QRICH1: variants seen among roughly 807,000 people sequenced by gnomAD.
The protein encoded by QRICH1 is glutamine rich 1, also known as transcriptional regulator QRICH1.
Under a neutral mutation model 87.1 loss-of-function variants are expected in QRICH1, and 16 were observed. The observed-to-expected ratio is 0.18, with a 90% CI of 0.12 to 0.28. QRICH1 has a LOEUF of 0.28. Ranked by LOEUF, QRICH1 falls within the 10% of genes least tolerant of loss-of-function variation. The pLI is 1.00. For missense variants in QRICH1, 647 were observed against 951.7 expected (o/e 0.68, Z 4.21); for synonymous variants, 367 against 368.4 (o/e 1.00, Z 0.05).
At chr3:49,051,594 C>CCT (rs1553742544) in intron 3 of QRICH1, among the ~76,000 whole-genome samples, 75 of 140,364 alleles carry the variant, frequency 5.3e-4, no homozygotes, top group African/African-American at 1.9e-3. Flanking sequence ...GCCCCCCCCC[C>CCT]CCTCCGCTTA....
chr3:49,045,544 C>T (rs2093334298), intron 5 of QRICH1, among the ~76,000 whole-genome samples: 1 of 152,126 alleles, frequency 6.6e-6, no homozygotes, highest in Non-Finnish European at 1.5e-5. Flanking sequence ...GATCCTCCTG[C>T]CTCAGCCTCC....
intron 1 of QRICH1, among the ~76,000 whole-genome samples, chr3:49,082,811 C>T (rs533450933): frequency 4.7e-4 from 70 of 149,448 alleles, no homozygotes; most frequent in African/African-American, 1.5e-3. Flanking sequence ...AGGAGACTGG[C>T]GTAAACCTGG....
At chr3:49,054,373 A>C (rs2093388769) in intron 3 of QRICH1, among the ~76,000 whole-genome samples, 2 of 152,136 alleles carry the variant, frequency 1.3e-5, no homozygotes, top group Non-Finnish European at 2.9e-5. Context: ...AATTCTACAC[A>C]CATCTACTTG....
At chr3:49,050,669 C>T (rs1443638475) in intron 3 of QRICH1, among the ~76,000 whole-genome samples, 2 of 147,902 alleles carry the variant, frequency 1.4e-5, no homozygotes, top group Non-Finnish European at 3.0e-5. Context: ...TCCTTAACTG[C>T]ACTGACTAAT....
chr3:49,070,830 T>C (rs570552470), intron 2 of QRICH1, among the ~76,000 whole-genome samples: 2 of 152,312 alleles, frequency 1.3e-5, no homozygotes, highest in African/African-American at 2.4e-5. Flanking sequence ...ATCTCATGGA[T>C]GTCATTATAT....
chr3:49,067,145 A>C (rs1378764028), intron 2 of QRICH1, among the ~76,000 whole-genome samples: 1 of 152,170 alleles, frequency 6.6e-6, no homozygotes, highest in African/African-American at 2.4e-5. Context: ...GGGAGTTAGA[A>C]CCTCCCAATC....
chr3:49,034,726 A>G (rs915410459), intron 6 of QRICH1, among the ~76,000 whole-genome samples: 3 of 152,348 alleles, frequency 2.0e-5, no homozygotes, highest in African/African-American at 7.2e-5. Flanking sequence ...AATAATTTGA[A>G]TAAGAGCCCT....
intron 1 of QRICH1, among the ~76,000 whole-genome samples, chr3:49,093,068 T>C (rs188259071): frequency 9.7e-4 from 148 of 152,304 alleles, no homozygotes; most frequent in Non-Finnish European, 1.7e-3. Context: ...ATTACGCTTA[T>C]GGACGTATTA....
intron 1 of QRICH1, among the ~76,000 whole-genome samples, chr3:49,087,444 C>G (rs1171550651): frequency 6.6e-6 from 1 of 151,548 alleles, no homozygotes; most frequent in African/African-American, 2.4e-5. Context: ...ACTAGGGAAG[C>G]TGAGGCAGGA....
chr3:49,076,144 G>A (rs1041763935), intron 2 of QRICH1, among the ~76,000 whole-genome samples: 3 of 152,132 alleles, frequency 2.0e-5, no homozygotes, highest in African/African-American at 7.2e-5. Context: ...TCAGGAGGCT[G>A]GGGCAGGAGA....
chr3:49,058,650 C>A (rs1363167027), intron 2 of QRICH1, among the ~76,000 whole-genome samples: 1 of 150,544 alleles, frequency 6.6e-6, no homozygotes, highest in Admixed American at 6.6e-5. Flanking sequence ...TTCTTTGAGG[C>A]GGAGTTTTGC....
intron 3 of QRICH1, among the ~76,000 whole-genome samples, chr3:49,054,450 T>C (rs566490094): frequency 9.2e-5 from 14 of 152,240 alleles, no homozygotes; most frequent in Admixed American, 2.6e-4. Flanking sequence ...CAAACTCAGT[T>C]CTACTTTGGG....
chr3:49,086,133 T>TAA (rs879623493), intron 1 of QRICH1, among the ~76,000 whole-genome samples: 11 of 143,696 alleles, frequency 7.7e-5, no homozygotes, highest in East Asian at 4.0e-4. Context: ...AGCTGCATTG[T>TAA]AAAAAAAAAA....
At chr3:49,072,238 A>G (rs930588715) in intron 2 of QRICH1, among the ~76,000 whole-genome samples, 5 of 152,134 alleles carry the variant, frequency 3.3e-5, no homozygotes, top group African/African-American at 1.2e-4. Flanking sequence ...AGCCAAAATA[A>G]TGCCACTGCA....
intron 3 of QRICH1, among the ~76,000 whole-genome samples, chr3:49,048,279 T>C (rs1575336745): frequency 6.6e-6 from 1 of 151,604 alleles, no homozygotes; most frequent in East Asian, 2.0e-4. Context: ...ATTACAGGCA[T>C]GTGCCACCAC....
rs1193144691 is a variant in QRICH1 at position 49,055,919 on chromosome 3, C to T, written c.1338+943G>A. 3.3e-5 allele frequency among the ~76,000 whole-genome samples: 5 copies of T among 152,104 alleles called. No homozygotes were observed. The East Asian group carries it at 9.6e-4, about 29-fold the overall frequency. ...ATCTCAAACTCCTGACCTCTGGTGA[C>T]TCACCCGCCTTGGCCTCCCAAAGTA... is the stretch of plus-strand genomic sequence containing the variant. On this transcript the variant is annotated intron_variant, in intron 3 of 9. Transcript: ENST00000395443.
At chr3:49,052,262 A>T (rs2093375417) in intron 3 of QRICH1, among the ~76,000 whole-genome samples, 1 of 152,172 alleles carries the variant, frequency 6.6e-6, no homozygotes, top group Non-Finnish European at 1.5e-5. Flanking sequence ...TGGTTTGAAC[A>T]ACTAGGCGGA....
In QRICH1 at chr3:49,046,471, G is replaced by A. The variant is rs761252473; in HGVS notation, c.1625C>T (p.Pro542Leu). ...ATAGTAGAGCACATCTGGGTCATAG[G>A]GTTCACCTTCTCCATTTCGAGCTTC... is the stretch of plus-strand genomic sequence containing the variant. The part of the protein sequence containing the change: ...TREARNGEGE[P>L]YDPDVLYYIF... Residue 542 changes from proline to leucine, a missense_variant, in exon 5 of 10, where the codon CCC becomes CTC. Transcript: ENST00000395443. 1.2e-6 allele frequency: 2 copies of A among 1,614,044 alleles called. No homozygotes were observed. Among genetic ancestry groups the A allele is most frequent in the South Asian group, 2.2e-5 (2 of 91,082 alleles).
At chr3:49,085,284 A>G (rs2042147120) in intron 1 of QRICH1, among the ~76,000 whole-genome samples, 1 of 150,968 alleles carries the variant, frequency 6.6e-6, no homozygotes, top group African/African-American at 2.4e-5. Flanking sequence ...TCATGCCTGT[A>G]ATCCCAGCAT....
Sources: allele counts gnomAD v4.1 joint callset (sites outside exome capture counted in the v4.1 genomes callset), GRCh38; gene constraint gnomAD v4.1.1; transcripts MANE v1.5; gene names NCBI Gene and HGNC (gene_info 2026-07-23, HGNC 2026-07-21).